ADAR: variants seen among roughly 807,000 people sequenced by gnomAD.
ADAR encodes the protein adenosine deaminase RNA specific.
A neutral mutation model predicts 113.2 loss-of-function variants in ADAR; 41 were observed. The observed-to-expected ratio is 0.36, with a 90% confidence interval of 0.28 to 0.47. The LOEUF (loss-of-function observed/expected upper bound fraction) is 0.47. Among genes scored for constraint, ADAR ranks in the 20% least tolerant of loss-of-function variants. ADAR has a pLI of 1.00. For missense variants in ADAR, 1,242 were observed against 1,540.9 expected (o/e 0.81, Z 3.25); for synonymous variants, 605 against 572.6 (o/e 1.06, Z -0.81).
intron 1 of ADAR, among the ~76,000 whole-genome samples, chr1:154,605,436 A>ATT (rs35160350): frequency 0.066 from 9,655 of 146,950 alleles, 390 homozygotes; most frequent in Non-Finnish European, 0.087. Context: ...GAGCTACTGG[A>ATT]TTTTTTTTTT....
chr1:154,596,385 C>A (rs1697495854), intron 6 of ADAR, among the ~76,000 whole-genome samples: 2 of 152,044 alleles, frequency 1.3e-5, no homozygotes, highest in Admixed American at 6.6e-5. Flanking sequence ...GGATTACAGG[C>A]ACCCGCTGCC....
intron 1 of ADAR, among the ~76,000 whole-genome samples, chr1:154,623,967 C>T (rs1266236098): frequency 1.3e-5 from 2 of 151,270 alleles, no homozygotes; most frequent in Non-Finnish European, 2.9e-5. Context: ...CGTGCCACTG[C>T]ACTCCAGCCT....
chr1:154,599,920 G>A (rs1024592000), intron 2 of ADAR, among the ~76,000 whole-genome samples: 9 of 152,192 alleles, frequency 5.9e-5, no homozygotes, highest in Non-Finnish European at 1.2e-4. Flanking sequence ...CCGTGCACAC[G>A]CTCCTCCATC....
intron 13 of ADAR, 176 bp from the exon 14 acceptor site, chr1:154,585,520 T>C: frequency 1.0e-6 from 1 of 960,932 alleles, no homozygotes; most frequent in Non-Finnish European, 1.6e-6. Flanking sequence ...TCCACCTCGA[T>C]TCAGATTAAT....
chr1:154,584,863 A>G lies in ADAR; in HGVS notation c.3624T>C (p.Tyr1208=). 1 of 1,614,196 alleles carries G rather than the reference A, an allele frequency of 6.2e-7. No homozygotes were observed. Among genetic ancestry groups the G allele is most frequent in the Non-Finnish European group, 8.5e-7 (1 of 1,180,038 alleles). ...YFKKGLKDMG[Y]GNWISKPQEE... Reference sequence around the variant, plus strand: ...CCTGGGGTTTGCTAATCCAGTTCCCATAGCCCATATCCTTCAGGCCTTTTT... The same window carrying G: ...CCTGGGGTTTGCTAATCCAGTTCCCGTAGCCCATATCCTTCAGGCCTTTTT... The change falls in exon 15 of 15, where the codon TAT becomes TAC. Residue 1208 remains tyrosine (Y), a synonymous_variant. Coordinates refer to ENST00000368474, the MANE Select transcript of ADAR (RefSeq NM_001111.5).
chr1:154,606,332 A>G (rs1197387472), intron 1 of ADAR, among the ~76,000 whole-genome samples: 1 of 152,184 alleles, frequency 6.6e-6, no homozygotes, highest in Admixed American at 6.5e-5. Flanking sequence ...ACGCCCGGCC[A>G]GTTATTTTAT....
At chr1:154,608,846 G>A (rs1191283993), upstream of ADAR, 5 of 147,614 alleles carry the variant, frequency 3.4e-5, no homozygotes, top group African/African-American at 1.2e-4. Context: ...GGGAGGGGAT[G>A]GGCGGGAGCG....
In ADAR at chr1:154,601,188, T is replaced by C. The variant is rs770344843; in HGVS notation, c.1454A>G (p.His485Arg). 10 of 1,614,244 alleles carry C rather than the reference T, an allele frequency of 6.2e-6. No individual in the cohort carries two copies. The South Asian group carries it at 6.6e-5, about 11-fold the overall frequency. ...AIMEMPSFYS[H>R]GLPRCSPYKK... The stretch of plus-strand genomic sequence containing the variant: ...GTAGGGTGAACACCGTGGCAAGCCA[T>C]GACTGTAGAAGGAGGGCATCTCCAT... Residue 485 changes from histidine (H) to arginine (R), a missense_variant, in exon 2 of 15, where the codon CAT becomes CGT. Physicochemically the swap from His to Arg is conservative, Grantham distance 29. This residue lies in a region of ADAR where 780 missense variants were observed against 1,057.9 expected (regional missense o/e 0.74). Transcript: ENST00000368474. The surrounding 1 kb of genome is among the most constrained non-coding windows in gnomAD (Gnocchi z 4.7).
intron 1 of ADAR, among the ~76,000 whole-genome samples, chr1:154,622,644 G>A (rs948149795): frequency 2.0e-5 from 3 of 152,122 alleles, no homozygotes; most frequent in African/African-American, 7.2e-5. Flanking sequence ...AGGCTCCTTG[G>A]GCCTGACCTC....
chr1:154,604,366 T>G (rs1211284609), intron 1 of ADAR, among the ~76,000 whole-genome samples: 1 of 152,168 alleles, frequency 6.6e-6, no homozygotes, highest in Non-Finnish European at 1.5e-5. Context: ...TCTTCCCCAC[T>G]CTGACTTCAC....
Position 154,589,905 on chromosome 1 carries a change from G to C in ADAR, c.2520C>G (p.Phe840Leu). 8 of 1,614,080 alleles carry C rather than the reference G, an allele frequency of 5.0e-6. No individual in the cohort carries two copies. The highest frequency in any genetic ancestry group is 6.8e-6 in the Non-Finnish European group (8 of 1,180,030). Residue 840 changes from phenylalanine (F) to leucine (L), a missense_variant, in exon 8 of 15, where the codon TTC (phenylalanine) becomes TTG (leucine). By Grantham distance (22) the Phe-to-Leu change is conservative. This residue lies in a region of ADAR where 780 missense variants were observed against 1,057.9 expected (regional missense o/e 0.74). Transcript: ENST00000368474. ...GGCTCAGCATGGCTATCTGGTCATG[G>C]AAGGTGCTGCCAGTGAGAGGGAGCT... ...PKTLPLTGST[F>L]HDQIAMLSHR...
chr1:154,601,531 T>C lies in ADAR; in HGVS notation c.1111A>G (p.Ser371Gly), dbSNP rs747094730. ...GCAGCTGGAGCGGTTTCAGGAACAC[T>C]GTTCGTATTTCTCTTGATTTGCATC... The part of the protein sequence containing the change: ...ERMQIKRNTN[S>G]VPETAPAAIP... The change falls in exon 2 of 15, where the codon AGT (serine) becomes GGT (glycine). Residue 371 changes from serine (S) to glycine (G), a missense_variant. Ser to Gly is a moderately conservative substitution (Grantham distance 56). Transcript: ENST00000368474. This position sits in a 1 kb window ranked among gnomAD's most constrained non-coding sequence, Gnocchi z 4.7. 6 of 1,613,430 alleles carry C rather than the reference T, an allele frequency of 3.7e-6. No individual in the cohort carries two copies. Among genetic ancestry groups the C allele is most frequent in the Admixed American group, 1.7e-5 (1 of 60,010 alleles).
At chr1:154,605,882 A>G (rs1571122681) in intron 1 of ADAR, 1 of 695,796 alleles carries the variant, frequency 1.4e-6, no homozygotes, top group Non-Finnish European at 1.8e-6. Flanking sequence ...AAGTGGCTAG[A>G]GTCAGTTAAA....
chr1:154,603,430 C>T (rs1352822804), intron 1 of ADAR, among the ~76,000 whole-genome samples: 1 of 152,146 alleles, frequency 6.6e-6, no homozygotes, highest in African/African-American at 2.4e-5. Context: ...GAGACTTTTG[C>T]CCAAACCACC....
chr1:154,594,362 T>C (rs1025921282), intron 6 of ADAR, among the ~76,000 whole-genome samples: 1 of 152,202 alleles, frequency 6.6e-6, no homozygotes, highest in Admixed American at 6.5e-5. Context: ...TTGCCAGTTT[T>C]TTCGATCCTT....
intron 4 of ADAR, 36 bp from the exon 5 acceptor site, chr1:154,597,303 G>A (rs972843341): frequency 6.2e-7 from 1 of 1,613,324 alleles, no homozygotes; most frequent in Non-Finnish European, 8.5e-7. Flanking sequence ...GGATTAAAAT[G>A]GTTTTGACTG....
intron 1 of ADAR, among the ~76,000 whole-genome samples, chr1:154,624,672 C>T (rs1390511390): frequency 6.6e-6 from 1 of 152,192 alleles, no homozygotes; most frequent in Non-Finnish European, 1.5e-5. Context: ...ATATTTTGAA[C>T]TCTTTATCCC....
intron 1 of ADAR, among the ~76,000 whole-genome samples, chr1:154,625,928 C>T (rs1034591730): frequency 3.4e-5 from 5 of 146,312 alleles, no homozygotes; most frequent in African/African-American, 1.0e-4. Context: ...CACTTGAACC[C>T]GGGAGGTAGA....
intron 6 of ADAR, among the ~76,000 whole-genome samples, chr1:154,593,551 A>G (rs1296370428): frequency 2.0e-5 from 3 of 152,230 alleles, no homozygotes; most frequent in African/African-American, 7.2e-5. Flanking sequence ...ACAGAAGAGA[A>G]AGAGGAAATG....
Sources: gnomAD v4.1 joint callset for allele counts (sites outside exome capture counted in the v4.1 genomes callset) on GRCh38, gnomAD v4.1.1 for gene constraint, gnomAD v4.1.1 regional missense constraint, Gnocchi (gnomAD v3.1) non-coding constraint, MANE v1.5 for transcripts, NCBI Gene and HGNC (gene_info 2026-07-23, HGNC 2026-07-21) for gene names.